DSCAM: variants seen among roughly 807,000 people sequenced by gnomAD.
DSCAM encodes the protein DS cell adhesion molecule.
A neutral mutation model predicts 217.7 loss-of-function variants in DSCAM; 47 were observed. The ratio of observed to expected loss-of-function variants is 0.22; its 90% CI spans 0.17 to 0.28. The LOEUF is 0.28. Among genes scored for constraint, DSCAM ranks in the 10% least tolerant of loss-of-function variants. The pLI, the probability that DSCAM is intolerant of heterozygous loss-of-function variation, is 1.00. For missense variants in DSCAM, 2,080 were observed against 2,618.3 expected, an observed-to-expected ratio of 0.79 and a Z score of 4.49; for synonymous variants, 1,056 against 1,015.3, an observed-to-expected ratio of 1.04 and a Z score of -0.76.
At chr21:40,263,981 A>G (rs1042633958) in intron 11 of DSCAM, among the ~76,000 whole-genome samples, 1 of 152,132 alleles carries the variant, frequency 6.6e-6, no homozygotes, top group Non-Finnish European at 1.5e-5. Flanking sequence ...GGAAACATAC[A>G]ACCCCATAGC....
rs567287525 is a variant in DSCAM, at chr21:40,296,938, C to T, written c.2063-764G>A. ...TTGGATGTGAACTGGTCAAAGTATT[C>T]GATGTTGATTTTTCCTCTACCAGGA... is the stretch of plus-strand genomic sequence containing the variant. On this transcript the variant is annotated intron_variant, in intron 9 of 32. Transcript: ENST00000400454. 4.0e-5 allele frequency among the ~76,000 whole-genome samples: 6 copies of T among 151,232 alleles called. No homozygotes were observed. The East Asian group carries it at 9.7e-4, about 24-fold the overall frequency.
At chr21:40,677,580 T>C (rs947889605) in intron 3 of DSCAM, among the ~76,000 whole-genome samples, 1 of 152,170 alleles carries the variant, frequency 6.6e-6, no homozygotes, top group African/African-American at 2.4e-5. Flanking sequence ...CCTAAGGATA[T>C]TTCCATCTAT....
Position 40,301,608 on chromosome 21 carries a change from G to GGTACCACAGCCTTTATTACA in DSCAM, c.2063-5435_2063-5434insTGTAATAAAGGCTGTGGTAC, listed in dbSNP as rs1569050962. Among the ~76,000 whole-genome samples, 5 of 128,734 alleles carry GGTACCACAGCCTTTATTACA rather than the reference G, an allele frequency of 3.9e-5. 2 individuals are homozygous for GGTACCACAGCCTTTATTACA. Among genetic ancestry groups the GGTACCACAGCCTTTATTACA allele is most frequent in the South Asian group, 4.5e-4 (2 of 4,438 alleles). The allele number at this position is 128,734 out of a possible 152,430, so 84.5% of individuals were successfully genotyped here. On this transcript the variant is annotated intron_variant, in intron 9 of 32. Transcript: ENST00000400454. ...AATTACTTACCATAGCCTTTATTACGCTCATCTGGTATTGCTGTTTAACAG... is the reference window on the plus strand; with the variant it reads ...AATTACTTACCATAGCCTTTATTACGGTACCACAGCCTTTATTACACTCATCTGGTATTGCTGTTTAACAG...
intron 3 of DSCAM, among the ~76,000 whole-genome samples, chr21:40,555,577 T>C (rs2076664853): frequency 6.6e-6 from 1 of 152,186 alleles, no homozygotes; most frequent in African/African-American, 2.4e-5. Flanking sequence ...ATATAAAACG[T>C]TTATTCTAAA....
At chr21:40,417,235 TTTA>T (rs1195838683) in intron 3 of DSCAM, among the ~76,000 whole-genome samples, 1 of 152,160 alleles carries the variant, frequency 6.6e-6, no homozygotes, top group East Asian at 1.9e-4. Context: ...CAGATTTAAT[TTTA>T]TTATTATTAT....
intron 3 of DSCAM, among the ~76,000 whole-genome samples, chr21:40,583,432 C>T (rs563725875): frequency 6.6e-6 from 1 of 152,132 alleles, no homozygotes; most frequent in African/African-American, 2.4e-5. Context: ...TGCTTCTCGG[C>T]CTGGTACATG....
At chr21:40,641,326 C>T (rs1023408780) in intron 3 of DSCAM, among the ~76,000 whole-genome samples, 8 of 152,068 alleles carry the variant, frequency 5.3e-5, no homozygotes, top group African/African-American at 9.6e-5. Context: ...TACAAGGAAA[C>T]GGGGCGAGAG....
rs1486774577 is a variant in DSCAM, at chr21:40,425,300, T to C, written c.509-56055A>G. ...CAGCACTTTGGGATGCCAAGGTGGG[T>C]GGATCACCTGAGGTCAGGAGTTCAA... On this transcript the variant is annotated intron_variant, in intron 3 of 32. Coordinates refer to ENST00000400454, the MANE Select transcript of DSCAM (RefSeq NM_001389.5). Among the ~76,000 whole-genome samples, 4 of 151,278 alleles carry C rather than the reference T, an allele frequency of 2.6e-5. No individual in the cohort carries two copies. In the South Asian group the frequency reaches 6.3e-4, roughly 24 times the overall value.
Position 40,755,106 on chromosome 21 carries a change from GC to G in DSCAM, c.44-46336del, listed in dbSNP as rs1311142542. Among the ~76,000 whole-genome samples, 6 of 152,188 alleles carry G rather than the reference GC, an allele frequency of 3.9e-5. No individual in the cohort carries two copies. In the East Asian group the frequency reaches 9.6e-4, roughly 24 times the overall value. ...AACATGGAAGAGGAAGGGAGATGAT[GC>G]AGTGGGCAGGACATGGAGAGATTTG... On this transcript the variant is annotated intron_variant, in intron 1 of 32. Transcript: ENST00000400454.
intron 3 of DSCAM, among the ~76,000 whole-genome samples, chr21:40,643,339 C>T (rs2089906011): frequency 6.6e-6 from 1 of 152,166 alleles, no homozygotes; most frequent in African/African-American, 2.4e-5. Flanking sequence ...AGTGAGCAAC[C>T]TGTTTGAGAA....
At chr21:40,102,835 C>A (rs1372663101) in intron 20 of DSCAM, among the ~76,000 whole-genome samples, 1 of 152,152 alleles carries the variant, frequency 6.6e-6, no homozygotes, top group Non-Finnish European at 1.5e-5. Context: ...CTAAGTCTGC[C>A]CTTTGTCTTT....
intron 1 of DSCAM, among the ~76,000 whole-genome samples, chr21:40,746,505 T>G (rs1176051238): frequency 6.6e-6 from 1 of 151,710 alleles, no homozygotes; most frequent in Non-Finnish European, 1.5e-5. Flanking sequence ...AACATTACAA[T>G]TGTAAATATG....
chr21:40,617,806 G>A (rs1282418095), intron 3 of DSCAM, among the ~76,000 whole-genome samples: 1 of 152,216 alleles, frequency 6.6e-6, no homozygotes, highest in Non-Finnish European at 1.5e-5. Flanking sequence ...CCATAGAGTA[G>A]CTACAAGCAC....
intron 10 of DSCAM, among the ~76,000 whole-genome samples, chr21:40,289,704 T>C (rs1003602628): frequency 1.3e-5 from 2 of 152,208 alleles, no homozygotes; most frequent in African/African-American, 2.4e-5. Flanking sequence ...ATCAGGGGTA[T>C]GCATGTGTAG....
chr21:40,245,178 T>C (rs879514639), intron 11 of DSCAM, among the ~76,000 whole-genome samples: 1 of 152,248 alleles, frequency 6.6e-6, no homozygotes, highest in African/African-American at 2.4e-5. Context: ...TTACGGCTGC[T>C]GCCGCCTGTT....
intron 3 of DSCAM, among the ~76,000 whole-genome samples, chr21:40,608,632 G>A (rs1306058104): frequency 6.6e-6 from 1 of 152,132 alleles, no homozygotes; most frequent in African/African-American, 2.4e-5. Flanking sequence ...TATTTTTCAA[G>A]TCTATTGACC....
intron 3 of DSCAM, among the ~76,000 whole-genome samples, chr21:40,380,786 G>A (rs567596494): frequency 3.4e-4 from 52 of 152,292 alleles, no homozygotes; most frequent in African/African-American, 1.1e-3. Flanking sequence ...AACTGAGGCC[G>A]GGCGCGGTGG....
intron 20 of DSCAM, among the ~76,000 whole-genome samples, chr21:40,121,603 G>C (rs1345805704): frequency 2.0e-5 from 3 of 151,072 alleles, no homozygotes; most frequent in Non-Finnish European, 2.9e-5. Flanking sequence ...ATGGTCAAAA[G>C]GCAACACAGA....
intron 3 of DSCAM, among the ~76,000 whole-genome samples, chr21:40,525,195 A>T (rs2076391313): frequency 6.6e-6 from 1 of 152,126 alleles, no homozygotes; most frequent in African/African-American, 2.4e-5. Context: ...CCAAAAGTGG[A>T]TTTTATTTGT....
Sources: gnomAD v4.1 joint callset for allele counts (sites outside exome capture counted in the v4.1 genomes callset) on GRCh38, gnomAD v4.1.1 for gene constraint, MANE v1.5 for transcripts, NCBI Gene and HGNC (gene_info 2026-07-23, HGNC 2026-07-21) for gene names.